FOXO1: variants seen among roughly 807,000 people sequenced by gnomAD.
FOXO1 encodes the protein forkhead box O1.
Under a neutral mutation model 44.1 loss-of-function variants are expected in FOXO1, and 6 were observed. The observed-to-expected ratio is 0.14, with a 90% confidence interval of 0.07 to 0.27. The LOEUF (loss-of-function observed/expected upper bound fraction) is 0.27, where lower values mean the gene tolerates loss of function less well. FOXO1 is among the 10% of genes least tolerant of loss of function. The pLI is 1.00. For missense variants in FOXO1, 737 were observed against 888.8 expected, an observed-to-expected ratio of 0.83 and a Z score of 2.17; for synonymous variants, 380 against 362.7, an observed-to-expected ratio of 1.05 and a Z score of -0.54.
At chr13:40,636,992 T>C (rs560353146) in intron 1 of FOXO1, among the ~76,000 whole-genome samples, 31 of 152,260 alleles carry the variant, frequency 2.0e-4, no homozygotes, top group African/African-American at 6.0e-4. Context: ...TAACAACCCT[T>C]GATCATTATT....
intron 1 of FOXO1, among the ~76,000 whole-genome samples, chr13:40,589,126 TAAATG>T (rs1231766559): frequency 6.6e-6 from 1 of 151,794 alleles, no homozygotes; most frequent in African/African-American, 2.4e-5. Flanking sequence ...AATAAGTAAA[TAAATG>T]AAAGTGTCAC....
In FOXO1 at chr13:40,623,256, T is replaced by C. The variant is rs576920750; in HGVS notation, c.630+42327A>G. ...TTTATCCCTTGGTAAGGCTGCTCTA[T>C]GAACACAGGCTTTTTTTTTCCAAAA... On this transcript the variant is annotated intron_variant, in intron 1 of 2. Coordinates refer to ENST00000379561, the MANE Select transcript of FOXO1 (RefSeq NM_002015.4). Among the ~76,000 whole-genome samples, 7 of 152,306 alleles carry C rather than the reference T, an allele frequency of 4.6e-5. No individual in the cohort carries two copies. The East Asian group carries it at 1.3e-3, about 29-fold the overall frequency.
intron 1 of FOXO1, among the ~76,000 whole-genome samples, chr13:40,578,043 T>C (rs1260066680): frequency 1.3e-5 from 2 of 152,158 alleles, no homozygotes; most frequent in Non-Finnish European, 1.5e-5. Flanking sequence ...GACTGGCACC[T>C]TTACCACCAA....
At chr13:40,591,238 G>A (rs528665710) in intron 1 of FOXO1, among the ~76,000 whole-genome samples, 1 of 152,216 alleles carries the variant, frequency 6.6e-6, no homozygotes, top group African/African-American at 2.4e-5. Context: ...CACCTTGAAA[G>A]GGGGCAAGCT....
At chr13:40,586,010 A>G (rs1328920731) in intron 1 of FOXO1, among the ~76,000 whole-genome samples, 2 of 152,152 alleles carry the variant, frequency 1.3e-5, no homozygotes, top group African/African-American at 4.8e-5. Context: ...TATATGGCCA[A>G]TTCTCCATAT....
chr13:40,664,674 C>G (rs1287269851), intron 1 of FOXO1, among the ~76,000 whole-genome samples: 7 of 152,140 alleles, frequency 4.6e-5, no homozygotes. Flanking sequence ...GTGTTTCTAA[C>G]TAAAAGCCTC....
intron 1 of FOXO1, among the ~76,000 whole-genome samples, chr13:40,636,349 A>G (rs999749704): frequency 3.9e-5 from 6 of 152,068 alleles, no homozygotes; most frequent in Non-Finnish European, 8.8e-5. Context: ...TGTTGATGAT[A>G]CTTACACCAT....
chr13:40,614,258 C>T (rs943629839), intron 1 of FOXO1, among the ~76,000 whole-genome samples: 1 of 152,178 alleles, frequency 6.6e-6, no homozygotes, highest in African/African-American at 2.4e-5. Context: ...CCTCTAGCAG[C>T]TGGAAATTTT....
chr13:40,609,394 C>T (rs1876143734), intron 1 of FOXO1, among the ~76,000 whole-genome samples: 1 of 152,036 alleles, frequency 6.6e-6, no homozygotes, highest in African/African-American at 2.4e-5. Context: ...TATCAGTCTA[C>T]ACTGTATTAA....
intron 1 of FOXO1, chr13:40,618,642 C>G (rs1207576851): frequency 5.5e-6 from 2 of 363,944 alleles, no homozygotes; most frequent in Non-Finnish European, 1.1e-5. Flanking sequence ...AAGAGATGGA[C>G]AGCTCTCCAA....
intron 1 of FOXO1, among the ~76,000 whole-genome samples, chr13:40,625,469 T>A (rs999276260): frequency 1.3e-5 from 2 of 152,168 alleles, no homozygotes; most frequent in East Asian, 3.8e-4. Flanking sequence ...AATTTCCCAC[T>A]GTTAACACTG....
intron 1 of FOXO1, among the ~76,000 whole-genome samples, chr13:40,597,063 A>C (rs547799806): frequency 6.6e-6 from 1 of 152,344 alleles, no homozygotes; most frequent in East Asian, 1.9e-4. Context: ...GCATGGTCTA[A>C]TAAGAATGGA....
intron 1 of FOXO1, among the ~76,000 whole-genome samples, chr13:40,569,674 T>G (rs1228488684): frequency 2.6e-5 from 4 of 152,222 alleles, no homozygotes; most frequent in African/African-American, 9.6e-5. Context: ...ACTAGCATAT[T>G]CTGTCGGTTT....
chr13:40,567,254 T>G (rs951787961), intron 1 of FOXO1, among the ~76,000 whole-genome samples: 10 of 152,114 alleles, frequency 6.6e-5, no homozygotes, highest in Non-Finnish European at 1.3e-4. Context: ...AACTTAAGGC[T>G]GAATACACCT....
At chr13:40,597,544 C>CT (rs1459815226) in intron 1 of FOXO1, among the ~76,000 whole-genome samples, 1 of 152,190 alleles carries the variant, frequency 6.6e-6, no homozygotes, top group Non-Finnish European at 1.5e-5. Context: ...TTAGTCATGG[C>CT]TTCAACAAGG....
At chr13:40,659,799 G>C (rs1248608004) in intron 1 of FOXO1, among the ~76,000 whole-genome samples, 1 of 152,182 alleles carries the variant, frequency 6.6e-6, no homozygotes, top group East Asian at 1.9e-4. Context: ...ACGGAATAGA[G>C]TAAACTGGGA....
intron 1 of FOXO1, among the ~76,000 whole-genome samples, chr13:40,576,814 C>T (rs1234712717): frequency 6.6e-6 from 1 of 152,206 alleles, no homozygotes; most frequent in Non-Finnish European, 1.5e-5. Context: ...AAAAGTCTCC[C>T]TCCATGAAGC....
intron 1 of FOXO1, among the ~76,000 whole-genome samples, chr13:40,602,384 A>G (rs772305884): frequency 6.6e-6 from 1 of 152,240 alleles, no homozygotes; most frequent in African/African-American, 2.4e-5. Context: ...GAAAATGTTT[A>G]AAGTCTTTTC....
At chr13:40,581,384 C>T (rs997194694) in intron 1 of FOXO1, among the ~76,000 whole-genome samples, 2 of 152,186 alleles carry the variant, frequency 1.3e-5, no homozygotes, top group Non-Finnish European at 2.9e-5. Context: ...GCTGCTCGCT[C>T]CTTGATCAGT....
Sources: gnomAD v4.1 joint callset for allele counts (sites outside exome capture counted in the v4.1 genomes callset) on GRCh38, gnomAD v4.1.1 for gene constraint, MANE v1.5 for transcripts, NCBI Gene and HGNC (gene_info 2026-07-23, HGNC 2026-07-21) for gene names.